Variants in SLC25A26 observed in about 807,000 individuals in gnomAD.
SLC25A26 encodes the protein solute carrier family 25 member 26, also known as mitochondrial S-adenosylmethionine carrier protein.
SLC25A26 carries 36 observed loss-of-function variants against 37.8 expected under a neutral mutation model. The ratio of observed to expected loss-of-function variants is 0.95; its 90% CI spans 0.73 to 1.26. SLC25A26 has a LOEUF of 1.26. Ranked by LOEUF, SLC25A26 falls within the 50% of genes most tolerant of loss-of-function variation. SLC25A26 has a pLI of 0.00. For synonymous variants in SLC25A26, 129 were observed against 122.5 expected (o/e 1.05, Z -0.35); for missense variants, 390 against 331.1 (o/e 1.18, Z -1.38).
chr3:66,314,174 C>T (rs768968999), intron 5 of SLC25A26, among the ~76,000 whole-genome samples: 6 of 152,008 alleles, frequency 3.9e-5, no homozygotes, highest in East Asian at 1.9e-4. Flanking sequence ...GAGTGGTGAG[C>T]GAGGGCATCC....
chr3:66,333,618 A>C (rs773921726), intron 5 of SLC25A26, among the ~76,000 whole-genome samples: 18 of 151,724 alleles, frequency 1.2e-4, no homozygotes, highest in Non-Finnish European at 1.9e-4. Context: ...CAGCCTCTTT[A>C]TGTGTTGTTG....
At chr3:66,185,827 T>G (rs2070816018) in intron 1 of SLC25A26, among the ~76,000 whole-genome samples, 1 of 152,064 alleles carries the variant, frequency 6.6e-6, no homozygotes, top group African/African-American at 2.4e-5. Context: ...ACCCTGAAAT[T>G]AACCCCTACC....
intron 3 of SLC25A26, among the ~76,000 whole-genome samples, chr3:66,258,015 C>G (rs1393339613): frequency 6.6e-6 from 1 of 152,162 alleles, no homozygotes; most frequent in Non-Finnish European, 1.5e-5. Context: ...TTGATCCTGG[C>G]TAACTTATGG....
chr3:66,178,701 G>T (rs934291999), intron 1 of SLC25A26, among the ~76,000 whole-genome samples: 1 of 152,052 alleles, frequency 6.6e-6, no homozygotes, highest in Non-Finnish European at 1.5e-5. Flanking sequence ...ACTTTGATTT[G>T]TTAACGTTAT....
At chr3:66,228,519 C>T (rs576919318) in intron 1 of SLC25A26, among the ~76,000 whole-genome samples, 2 of 152,234 alleles carry the variant, frequency 1.3e-5, no homozygotes, top group East Asian at 1.9e-4. Context: ...ATCTCACCTC[C>T]CCAAATCAGG....
At chr3:66,365,572 C>T (rs1335662133) in intron 7 of SLC25A26, among the ~76,000 whole-genome samples, 2 of 152,108 alleles carry the variant, frequency 1.3e-5, no homozygotes, top group Admixed American at 1.3e-4. Context: ...ATTAGTTTCT[C>T]ATAATAAACA....
intron 5 of SLC25A26, among the ~76,000 whole-genome samples, chr3:66,267,243 C>G (rs772123568): frequency 2.0e-5 from 3 of 152,104 alleles, no homozygotes; most frequent in Non-Finnish European, 4.4e-5. Context: ...GAAGGAGTGG[C>G]AGTTAGAAGT....
At chr3:66,182,694 G>A (rs1407520051) in intron 1 of SLC25A26, among the ~76,000 whole-genome samples, 2 of 122,014 alleles carry the variant, frequency 1.6e-5, no homozygotes, top group African/African-American at 6.4e-5. Context: ...GCCCAGCATC[G>A]GCCTCAACCT....
chr3:66,221,684 T>C (rs899791048), intron 1 of SLC25A26, among the ~76,000 whole-genome samples: 2 of 151,622 alleles, frequency 1.3e-5, no homozygotes, highest in African/African-American at 4.9e-5. Flanking sequence ...GCGGAGTCAA[T>C]AAACAGGCTT....
intron 5 of SLC25A26, among the ~76,000 whole-genome samples, chr3:66,342,729 T>G (rs1255921335): frequency 6.6e-6 from 1 of 152,188 alleles, no homozygotes; most frequent in Non-Finnish European, 1.5e-5. Flanking sequence ...CTATTTCACC[T>G]CGAATCCTCA....
intron 3 of SLC25A26, among the ~76,000 whole-genome samples, chr3:66,246,992 G>T (rs910515353): frequency 6.6e-6 from 1 of 151,986 alleles, no homozygotes; most frequent in South Asian, 2.1e-4. Context: ...CTCCCGAGTC[G>T]CTGGGACTAC....
chr3:66,278,209 C>G (rs911366331), intron 5 of SLC25A26, among the ~76,000 whole-genome samples: 1 of 152,060 alleles, frequency 6.6e-6, no homozygotes, highest in Non-Finnish European at 1.5e-5. Flanking sequence ...TTTTAAAAAA[C>G]AAACTAAAAT....
chr3:66,185,953 G>A (rs1237323009), intron 1 of SLC25A26, among the ~76,000 whole-genome samples: 1 of 151,996 alleles, frequency 6.6e-6, no homozygotes, highest in Non-Finnish European at 1.5e-5. Context: ...TCACCCTGAT[G>A]TCAAGACTAA....
chr3:66,365,866 T>C (rs533137466), intron 7 of SLC25A26, among the ~76,000 whole-genome samples: 1 of 152,128 alleles, frequency 6.6e-6, no homozygotes, highest in African/African-American at 2.4e-5. Context: ...AGGGGCAACG[T>C]AGGGTCTGGA....
chr3:66,355,418 A>T (rs780435363), intron 6 of SLC25A26, among the ~76,000 whole-genome samples: 65 of 152,118 alleles, frequency 4.3e-4, no homozygotes, highest in Non-Finnish European at 6.8e-4. Context: ...TTATAACCCA[A>T]GTCAGCCTGT....
chr3:66,204,444 A>AAAG (rs1390144565), intron 1 of SLC25A26, among the ~76,000 whole-genome samples: 3 of 149,322 alleles, frequency 2.0e-5, no homozygotes, highest in Non-Finnish European at 4.5e-5. Flanking sequence ...AAAAAAGAAA[A>AAAG]AAAGAAAAAA....
chr3:66,274,248 T>C (rs1290184828), intron 5 of SLC25A26, among the ~76,000 whole-genome samples: 2 of 152,132 alleles, frequency 1.3e-5, no homozygotes, highest in East Asian at 1.9e-4. Context: ...CAAAAATTAA[T>C]TCAAGATGGG....
intron 1 of SLC25A26, among the ~76,000 whole-genome samples, chr3:66,221,854 A>G (rs1369821610): frequency 6.6e-6 from 1 of 150,902 alleles, no homozygotes; most frequent in East Asian, 1.9e-4. Context: ...TGGAATGGGC[A>G]GAGACAGACA....
intron 5 of SLC25A26, among the ~76,000 whole-genome samples, chr3:66,316,217 C>T (rs2075535110): frequency 6.6e-6 from 1 of 152,148 alleles, no homozygotes; most frequent in African/African-American, 2.4e-5. Context: ...TGTCACTGGC[C>T]TGTGTACTTC....
Sources: allele counts gnomAD v4.1 joint callset (sites outside exome capture counted in the v4.1 genomes callset), GRCh38; gene constraint gnomAD v4.1.1; transcripts MANE v1.5; gene names NCBI Gene and HGNC (gene_info 2026-07-23, HGNC 2026-07-21).